The following GALNTL6 variants were observed in gnomAD, a reference collection of about 807,000 sequenced individuals.
The protein encoded by GALNTL6 is polypeptide N-acetylgalactosaminyltransferase-like 6.
GALNTL6 carries 46 observed loss-of-function variants against 73.7 expected under a neutral mutation model. The ratio of observed to expected loss-of-function variants is 0.62; its 90% CI spans 0.49 to 0.80. The LOEUF (loss-of-function observed/expected upper bound fraction) is 0.80, where lower values mean the gene tolerates loss of function less well. Among genes scored for constraint, GALNTL6 ranks in the 30% least tolerant of loss-of-function variants. GALNTL6 has a pLI of 0.00. For synonymous variants in GALNTL6, 259 were observed against 263.7 expected (o/e 0.98, Z 0.17); for missense variants, 604 against 755.0 (o/e 0.80, Z 2.34).
intron 8 of GALNTL6, among the ~76,000 whole-genome samples, chr4:172,900,494 C>A (rs1417734562): frequency 6.6e-6 from 1 of 152,128 alleles, no homozygotes; most frequent in African/African-American, 2.4e-5. Flanking sequence ...ATTAATACAG[C>A]AACAAATTTT....
chr4:172,933,230 C>T (rs778110121), intron 9 of GALNTL6, among the ~76,000 whole-genome samples: 3 of 152,004 alleles, frequency 2.0e-5, no homozygotes, highest in South Asian at 4.1e-4. Flanking sequence ...CTTTTATTCA[C>T]TCATATGCTC....
intron 7 of GALNTL6, among the ~76,000 whole-genome samples, chr4:172,872,989 C>G (rs1046574778): frequency 1.1e-4 from 17 of 152,182 alleles, no homozygotes; most frequent in African/African-American, 2.7e-4. Context: ...TCAAACTCAC[C>G]CTCTCTATGC....
At chr4:172,616,532 CTTTT>C (rs56070364) in intron 5 of GALNTL6, among the ~76,000 whole-genome samples, 1 of 117,412 alleles carries the variant, frequency 8.5e-6, no homozygotes, top group Non-Finnish European at 1.7e-5. Flanking sequence ...AATCCATACT[CTTTT>C]TTTTTTTTTT....
intron 5 of GALNTL6, among the ~76,000 whole-genome samples, chr4:172,495,637 A>T (rs1373465629): frequency 6.6e-6 from 1 of 152,154 alleles, no homozygotes; most frequent in East Asian, 1.9e-4. Flanking sequence ...TCAGCCTCTA[A>T]AGGTGGAGGA....
chr4:172,327,331 T>A (rs1028091867), intron 4 of GALNTL6, among the ~76,000 whole-genome samples: 2 of 152,174 alleles, frequency 1.3e-5, no homozygotes, highest in Non-Finnish European at 2.9e-5. Context: ...GTGGTCAATT[T>A]TAGAGTGTGT....
At chr4:172,751,586 A>G (rs1049801623) in intron 5 of GALNTL6, among the ~76,000 whole-genome samples, 1 of 152,230 alleles carries the variant, frequency 6.6e-6, no homozygotes, top group Non-Finnish European at 1.5e-5. Flanking sequence ...AAGTGATGCC[A>G]CAAGAAGGGT....
At chr4:172,968,638 A>G (rs1056477128) in intron 10 of GALNTL6, among the ~76,000 whole-genome samples, 6 of 152,260 alleles carry the variant, frequency 3.9e-5, no homozygotes, top group African/African-American at 1.4e-4. Flanking sequence ...CAGAAAGTAC[A>G]GAATGACAAA....
intron 2 of GALNTL6, among the ~76,000 whole-genome samples, chr4:171,825,879 T>C (rs578232136): frequency 4.6e-5 from 7 of 152,306 alleles, no homozygotes; most frequent in Admixed American, 4.6e-4. Context: ...TTCCAACTAT[T>C]AGAATGTGTG....
intron 5 of GALNTL6, among the ~76,000 whole-genome samples, chr4:172,587,707 C>T (rs1737468077): frequency 6.6e-6 from 1 of 152,194 alleles, no homozygotes; most frequent in African/African-American, 2.4e-5. Context: ...AGGATCGGCT[C>T]TAGCAATGCC....
chr4:172,309,971 T>C (rs1427008846), intron 3 of GALNTL6, among the ~76,000 whole-genome samples: 1 of 151,982 alleles, frequency 6.6e-6, no homozygotes, highest in East Asian at 1.9e-4. Flanking sequence ...AGCTGATATA[T>C]ATAAAAATAT....
At chr4:172,516,249 T>C (rs1300174292) in intron 5 of GALNTL6, among the ~76,000 whole-genome samples, 1 of 152,188 alleles carries the variant, frequency 6.6e-6, no homozygotes, top group Non-Finnish European at 1.5e-5. Context: ...AATCCTAAAC[T>C]AGACCTACTG....
At chr4:172,829,019 C>T (rs1426949489) in intron 7 of GALNTL6, among the ~76,000 whole-genome samples, 1 of 152,232 alleles carries the variant, frequency 6.6e-6, no homozygotes, top group African/African-American at 2.4e-5. Context: ...CCTCTCTTAG[C>T]TTCTCCAAGC....
At chr4:172,742,454 T>C (rs1275187548) in intron 5 of GALNTL6, among the ~76,000 whole-genome samples, 1 of 149,854 alleles carries the variant, frequency 6.7e-6, no homozygotes, top group African/African-American at 2.5e-5. Context: ...GATACCAAAG[T>C]GGCTATGTGT....
chr4:172,634,326 A>G (rs2111104112), intron 5 of GALNTL6, among the ~76,000 whole-genome samples: 1 of 152,292 alleles, frequency 6.6e-6, no homozygotes, highest in African/African-American at 2.4e-5. Context: ...TTTATGGTCC[A>G]CACAGTAGCC....
intron 5 of GALNTL6, among the ~76,000 whole-genome samples, chr4:172,493,422 G>A (rs557856936): frequency 7.0e-4 from 107 of 152,270 alleles, no homozygotes; most frequent in African/African-American, 2.5e-3. Context: ...AATAGATTAT[G>A]TCAAACAGAA....
intron 8 of GALNTL6, among the ~76,000 whole-genome samples, chr4:172,911,664 A>T (rs1313719027): frequency 2.0e-5 from 3 of 152,216 alleles, no homozygotes; most frequent in Admixed American, 2.0e-4. Context: ...AGATAAACAG[A>T]AACAGCTGCT....
intron 10 of GALNTL6, among the ~76,000 whole-genome samples, chr4:172,999,339 C>G (rs888859438): frequency 2.0e-5 from 3 of 152,152 alleles, no homozygotes; most frequent in Non-Finnish European, 4.4e-5. Context: ...ACTGTGCATG[C>G]GTGCGCACTC....
intron 8 of GALNTL6, among the ~76,000 whole-genome samples, chr4:172,925,094 A>G (rs972578058): frequency 6.6e-5 from 10 of 151,298 alleles, no homozygotes; most frequent in Admixed American, 5.3e-4. Context: ...GGATGGTCTC[A>G]ATCTCCTGAC....
At chr4:172,516,811 T>C (rs59540621) in intron 5 of GALNTL6, among the ~76,000 whole-genome samples, 1 of 152,108 alleles carries the variant, frequency 6.6e-6, no homozygotes, top group South Asian at 2.1e-4. Flanking sequence ...AATATGTAAA[T>C]AAAATGTGGT....
Sources: gnomAD v4.1 joint callset for allele counts (sites outside exome capture counted in the v4.1 genomes callset) on GRCh38, gnomAD v4.1.1 for gene constraint, MANE v1.5 for transcripts, NCBI Gene and HGNC (gene_info 2026-07-23, HGNC 2026-07-21) for gene names.